Variants in DACH1 observed in about 807,000 individuals in gnomAD.
The protein encoded by DACH1 is dachshund family transcription factor 1.
In DACH1, 12 loss-of-function variants were observed where a neutral mutation model predicts 54.2. The observed-to-expected ratio is 0.22, with a 90% CI of 0.14 to 0.36. The LOEUF is 0.36. DACH1 is among the 10% of genes least tolerant of loss of function. The pLI, the probability that DACH1 is intolerant of heterozygous loss-of-function variation, is 1.00. For synonymous variants in DACH1, 386 were observed against 366.2 expected, an observed-to-expected ratio of 1.05 and a Z score of -0.62; for missense variants, 805 against 929.8, an observed-to-expected ratio of 0.87 and a Z score of 1.75.
intron 1 of DACH1, among the ~76,000 whole-genome samples, chr13:71,700,951 A>T (rs1045638562): frequency 1.8e-4 from 28 of 152,154 alleles, no homozygotes; most frequent in African/African-American, 6.8e-4. Context: ...TTAGTGAAGT[A>T]TTTTCTAGGA....
At chr13:71,736,242 G>A (rs1321042759) in intron 1 of DACH1, among the ~76,000 whole-genome samples, 2 of 152,088 alleles carry the variant, frequency 1.3e-5, no homozygotes, top group African/African-American at 4.8e-5. Context: ...TATAGTCTAG[G>A]CTGTTTGTGA....
intron 10 of DACH1, among the ~76,000 whole-genome samples, chr13:71,472,858 T>C (rs963943200): frequency 6.6e-6 from 1 of 152,224 alleles, no homozygotes; most frequent in Non-Finnish European, 1.5e-5. Context: ...CAGTATTCTT[T>C]CTTTGATTGC....
chr13:71,737,412 C>T (rs1884185759), intron 1 of DACH1, among the ~76,000 whole-genome samples: 1 of 152,090 alleles, frequency 6.6e-6, no homozygotes, highest in Middle Eastern at 3.4e-3. Flanking sequence ...AGTACCCTCC[C>T]CACATAGGGA....
intron 1 of DACH1, among the ~76,000 whole-genome samples, chr13:71,777,523 G>A (rs1420235062): frequency 6.6e-6 from 1 of 152,038 alleles, no homozygotes; most frequent in African/African-American, 2.4e-5. Context: ...GTTCTGAACT[G>A]CATTATCCTA....
At chr13:71,477,362 C>A (rs1319562340) in intron 8 of DACH1, among the ~76,000 whole-genome samples, 1 of 151,498 alleles carries the variant, frequency 6.6e-6, no homozygotes, top group East Asian at 1.9e-4. Flanking sequence ...ACCTCATGAT[C>A]CACCCGTCTC....
intron 7 of DACH1, among the ~76,000 whole-genome samples, chr13:71,486,894 G>C (rs938850176): frequency 2.6e-5 from 4 of 151,912 alleles, no homozygotes; most frequent in African/African-American, 7.3e-5. Context: ...GCCCAGGCTG[G>C]AGTGTGGTGG....
At position 71,495,330 on chromosome 13, in the gene DACH1, A is replaced by G. The variant is rs112340158; in HGVS notation, c.1571-6182T>C. Among the ~76,000 whole-genome samples, 1,402 of 152,184 alleles carry G rather than the reference A, an allele frequency of 9.2e-3. 16 individuals are homozygous for G. The highest frequency in any genetic ancestry group is 0.027 in the Middle Eastern group (8 of 294). On this transcript the variant is annotated intron_variant, in intron 6 of 10. Coordinates refer to ENST00000613252, the MANE Select transcript of DACH1 (RefSeq NM_080759.6). ...AGATTTTAGCAAAATACTAGAGAAT[A>G]AAATAGTTTCCATACAGAAGTAAAC...
At chr13:71,700,393 T>C (rs1355280302) in intron 1 of DACH1, among the ~76,000 whole-genome samples, 1 of 151,546 alleles carries the variant, frequency 6.6e-6, no homozygotes, top group East Asian at 1.9e-4. Context: ...CCGTCTCCAC[T>C]AAAAACACAA....
intron 1 of DACH1, among the ~76,000 whole-genome samples, chr13:71,850,446 C>T (rs908007346): frequency 6.6e-6 from 1 of 152,258 alleles, no homozygotes; most frequent in Non-Finnish European, 1.5e-5. Context: ...CCTCCCAACA[C>T]AGTGATTTTG....
chr13:71,704,624 T>C, intron 1 of DACH1: 1 of 420,672 alleles, frequency 2.4e-6, no homozygotes, highest in South Asian at 2.2e-5. Flanking sequence ...CCTGAGCTGC[T>C]GGAACCTCTT....
rs370026620 is a variant in DACH1 at position 71,866,805 on chromosome 13, G to T, written c.-36C>A. Reference sequence around the variant, plus strand: ...AAGGGGAAACAGACGGAGGAGAAGCGAGAGGAAAAGTTGCCACACACCCCC... The same window carrying T: ...AAGGGGAAACAGACGGAGGAGAAGCTAGAGGAAAAGTTGCCACACACCCCC... On this transcript the variant is annotated 5_prime_UTR_variant, in exon 1 of 11. Transcript: ENST00000613252. The T allele has an allele frequency of 7.8e-7, 1 of 1,281,876 alleles. No individual in the cohort carries two copies. The highest frequency in any genetic ancestry group is 9.9e-7 in the Non-Finnish European group (1 of 1,005,236). 79.4% of individuals were successfully genotyped at this position (1,281,876 alleles called of 1,614,324 possible). A position where few individuals can be genotyped will look rare whatever the true frequency, so the allele number is the denominator to read the frequency against.
chr13:71,850,146 A>C (rs1453275395), intron 1 of DACH1, among the ~76,000 whole-genome samples: 1 of 152,222 alleles, frequency 6.6e-6, no homozygotes, highest in Non-Finnish European at 1.5e-5. Flanking sequence ...ACATCAGTAC[A>C]TTTGGTACAA....
At chr13:71,791,475 G>A (rs950709165) in intron 1 of DACH1, among the ~76,000 whole-genome samples, 1 of 152,094 alleles carries the variant, frequency 6.6e-6, no homozygotes, top group Non-Finnish European at 1.5e-5. Context: ...CCACCTCCAG[G>A]GTTCAAGTGA....
At chr13:71,506,272 G>A (rs1427909269) in intron 6 of DACH1, among the ~76,000 whole-genome samples, 1 of 145,192 alleles carries the variant, frequency 6.9e-6, no homozygotes, top group East Asian at 2.1e-4. Context: ...ATCTCCCGGT[G>A]CTATCCCTCC....
intron 3 of DACH1, among the ~76,000 whole-genome samples, chr13:71,589,494 A>C (rs547549311): frequency 6.6e-6 from 1 of 152,138 alleles, no homozygotes; most frequent in African/African-American, 2.4e-5. Context: ...CATAGTAAAT[A>C]AATGATGATC....
At chr13:71,446,247 A>G (rs986842719) in intron 10 of DACH1, among the ~76,000 whole-genome samples, 3 of 152,106 alleles carry the variant, frequency 2.0e-5, no homozygotes, top group Admixed American at 6.6e-5. Flanking sequence ...CATTTTCTAC[A>G]TTGTCTTTGG....
At chr13:71,756,165 G>C (rs1188695546) in intron 1 of DACH1, among the ~76,000 whole-genome samples, 1 of 151,800 alleles carries the variant, frequency 6.6e-6, no homozygotes, top group Non-Finnish European at 1.5e-5. Context: ...CGAGTACCTG[G>C]GACTACAGGC....
intron 1 of DACH1, among the ~76,000 whole-genome samples, chr13:71,701,805 G>T (rs1882149374): frequency 6.6e-6 from 1 of 152,142 alleles, no homozygotes; most frequent in South Asian, 2.1e-4. Context: ...TCATGATGAG[G>T]TGTGAAGGTT....
intron 6 of DACH1, among the ~76,000 whole-genome samples, chr13:71,515,456 C>T (rs1881087235): frequency 6.6e-6 from 1 of 151,888 alleles, no homozygotes; most frequent in African/African-American, 2.4e-5. Context: ...TATGTTCTTT[C>T]TGCATATATA....
Sources: allele counts gnomAD v4.1 joint callset (sites outside exome capture counted in the v4.1 genomes callset), GRCh38; gene constraint gnomAD v4.1.1; transcripts MANE v1.5; gene names NCBI Gene and HGNC (gene_info 2026-07-23, HGNC 2026-07-21).